The following PLXNC1 variants were observed in gnomAD, a reference collection of about 807,000 sequenced individuals.
PLXNC1 encodes plexin C1.
A neutral mutation model predicts 178.2 loss-of-function variants in PLXNC1; 75 were observed. That is an observed-to-expected ratio of 0.42 (90% CI 0.35 to 0.51). The LOEUF is 0.51. Ranked by LOEUF, PLXNC1 falls within the 20% of genes least tolerant of loss-of-function variation. PLXNC1 has a pLI of 0.02. For missense variants in PLXNC1, 1,503 were observed against 1,984.4 expected (o/e 0.76, Z 4.61); for synonymous variants, 790 against 779.9 (o/e 1.01, Z -0.22).
intron 12 of PLXNC1, among the ~76,000 whole-genome samples, chr12:94,247,699 G>A (rs1204644166): frequency 6.6e-6 from 1 of 152,162 alleles, no homozygotes; most frequent in Non-Finnish European, 1.5e-5. Flanking sequence ...ATCTAAGCAT[G>A]TATAATCTCA....
At chr12:94,179,202 C>T (rs1291648637) in intron 2 of PLXNC1, among the ~76,000 whole-genome samples, 1 of 152,214 alleles carries the variant, frequency 6.6e-6, no homozygotes, top group Non-Finnish European at 1.5e-5. Flanking sequence ...TGGGAACAGG[C>T]ATATTATTGA....
At chr12:94,228,883 T>C (rs1964017558) in intron 9 of PLXNC1, among the ~76,000 whole-genome samples, 2 of 152,232 alleles carry the variant, frequency 1.3e-5, no homozygotes, top group African/African-American at 4.8e-5. Flanking sequence ...TGCTATTTCT[T>C]CGAGACCCTG....
At chr12:94,273,556 A>G (rs937751742) in intron 21 of PLXNC1, among the ~76,000 whole-genome samples, 7 of 152,138 alleles carry the variant, frequency 4.6e-5, no homozygotes, top group Non-Finnish European at 7.4e-5. Flanking sequence ...CTGCCGACCT[A>G]AAAGAGGTAC....
In PLXNC1 at chr12:94,306,916, A is replaced by C. The variant is rs1565880586; in HGVS notation, c.*1631A>C. 1 of 152,176 alleles carries C rather than the reference A, an allele frequency of 6.6e-6. No individual in the cohort carries two copies. 9.4% of individuals were successfully genotyped at this position (152,176 alleles called of 1,614,324 possible). On this transcript the variant is annotated 3_prime_UTR_variant, in exon 31 of 31. Coordinates refer to ENST00000258526, the MANE Select transcript of PLXNC1 (RefSeq NM_005761.3). The stretch of plus-strand genomic sequence containing the variant: ...AACAAAACTACCAAATAGATGACAG[A>C]TCAGAATAAAGGTGAGAGGTCTGGT...
At chr12:94,168,384 C>T (rs1471424311) in intron 1 of PLXNC1, 2 of 152,204 alleles carry the variant, frequency 1.3e-5, no homozygotes, top group Non-Finnish European at 1.5e-5. Context: ...ACATTTTGGT[C>T]GACACTCTCT....
At chr12:94,212,239 TCTCCAG>T (rs1565812298) in intron 5 of PLXNC1, among the ~76,000 whole-genome samples, 1 of 126,416 alleles carries the variant, frequency 7.9e-6, no homozygotes, top group African/African-American at 3.1e-5. Flanking sequence ...CCGCCACTGC[TCTCCAG>T]CCTGGGCGAC....
At chr12:94,296,768 T>C (rs1967961942) in intron 24 of PLXNC1, among the ~76,000 whole-genome samples, 1 of 152,232 alleles carries the variant, frequency 6.6e-6, no homozygotes, top group Non-Finnish European at 1.5e-5. Context: ...ATAACCTTTA[T>C]CACAGTTATA....
intron 21 of PLXNC1, among the ~76,000 whole-genome samples, chr12:94,271,166 T>G (rs1965546333): frequency 6.6e-6 from 1 of 152,206 alleles, no homozygotes; most frequent in Non-Finnish European, 1.5e-5. Context: ...TAGAAATATA[T>G]TTTATAGGTT....
intron 5 of PLXNC1, among the ~76,000 whole-genome samples, chr12:94,214,062 T>C (rs1306560334): frequency 2.0e-5 from 3 of 150,436 alleles, no homozygotes; most frequent in Admixed American, 1.3e-4. Context: ...TTAAACAATA[T>C]GGTTCCTAGA....
Position 94,243,919 on chromosome 12 carries a change from T to C in PLXNC1, c.2301-19T>C, listed in dbSNP as rs978031388. The stretch of plus-strand genomic sequence containing the variant: ...TGTGTTAGCTATGAAACCCTTATTG[T>C]TGCTTTTATTCCTTGCAGTGGTGGT... On this transcript the variant is annotated intron_variant, in intron 11 of 30. Transcript: ENST00000258526. The C allele has an allele frequency of 8.8e-6, 12 of 1,364,912 alleles. No homozygotes were observed. Among genetic ancestry groups the C allele is most frequent in the Non-Finnish European group, 1.2e-5 (12 of 973,234 alleles). 84.6% of individuals were successfully genotyped at this position (1,364,912 alleles called of 1,614,324 possible).
At chr12:94,156,477 CTTTTTT>C (rs33995488) in intron 1 of PLXNC1, among the ~76,000 whole-genome samples, 1 of 140,176 alleles carries the variant, frequency 7.1e-6, no homozygotes, top group East Asian at 2.1e-4. Flanking sequence ...CACTGTCTAT[CTTTTTT>C]TTTTTTTTTC....
chr12:94,177,582 A>C (rs960363335), intron 2 of PLXNC1, among the ~76,000 whole-genome samples: 5 of 151,948 alleles, frequency 3.3e-5, no homozygotes, highest in African/African-American at 1.2e-4. Flanking sequence ...AAGGAAGGAA[A>C]GGAAAGGAGA....
At chr12:94,276,793 G>A (rs1053086219) in intron 21 of PLXNC1, 3 of 152,270 alleles carry the variant, frequency 2.0e-5, no homozygotes, top group Admixed American at 2.0e-4. Context: ...TTTGTTTCTT[G>A]TTTGTGAGCA....
At chr12:94,297,890 G>GTGA (rs1292339942) in intron 26 of PLXNC1, among the ~76,000 whole-genome samples, 1 of 152,188 alleles carries the variant, frequency 6.6e-6, no homozygotes, top group East Asian at 1.9e-4. Context: ...AGTGTCAGAT[G>GTGA]TGAAAGCCGG....
At chr12:94,295,435 G>A (rs1441197804) in intron 24 of PLXNC1, among the ~76,000 whole-genome samples, 1 of 152,166 alleles carries the variant, frequency 6.6e-6, no homozygotes, top group African/African-American at 2.4e-5. Flanking sequence ...GAAGAGCATG[G>A]TTTTTAGGTT....
intron 3 of PLXNC1, among the ~76,000 whole-genome samples, chr12:94,183,940 G>A (rs896010546): frequency 2.6e-5 from 4 of 152,180 alleles, no homozygotes; most frequent in Non-Finnish European, 5.9e-5. Flanking sequence ...TCCAAGGAAG[G>A]CTCTTGGGGA....
intron 11 of PLXNC1, among the ~76,000 whole-genome samples, 164 bp downstream of exon 11, chr12:94,240,828 A>G (rs1013864979): frequency 6.6e-6 from 1 of 152,154 alleles, no homozygotes; most frequent in African/African-American, 2.4e-5. Context: ...CTGACAAGAC[A>G]TTTGCTTCCC....
At chr12:94,195,743 A>G (rs1033434480) in intron 4 of PLXNC1, among the ~76,000 whole-genome samples, 1 of 152,218 alleles carries the variant, frequency 6.6e-6, no homozygotes, top group Non-Finnish European at 1.5e-5. Context: ...TCCACGCATG[A>G]GATCGTGAAA....
In PLXNC1 at chr12:94,260,343, C is replaced by T. The variant is rs905436621; in HGVS notation, c.3252-299C>T. Among the ~76,000 whole-genome samples the T allele has an allele frequency of 6.6e-6, 1 of 152,056 alleles. No homozygotes were observed. Among genetic ancestry groups the T allele is most frequent in the Non-Finnish European group, 1.5e-5 (1 of 68,014 alleles). On this transcript the variant is annotated intron_variant, in intron 19 of 30. Coordinates refer to ENST00000258526, the MANE Select transcript of PLXNC1 (RefSeq NM_005761.3). This position sits in a 1 kb window ranked among gnomAD's most constrained non-coding sequence, Gnocchi z 4.4. ...AAAGTGCTGGGATTATAGGCGTGAA[C>T]CACCATGCCCGGCCCATAAATTCTT...
Sources: allele counts gnomAD v4.1 joint callset (sites outside exome capture counted in the v4.1 genomes callset), GRCh38; gene constraint gnomAD v4.1.1; non-coding constraint Gnocchi (gnomAD v3.1); transcripts MANE v1.5; gene names NCBI Gene and HGNC (gene_info 2026-07-23, HGNC 2026-07-21).